Variants in CAPN1 observed in about 807,000 individuals in gnomAD.
The protein encoded by CAPN1 is calpain-1 catalytic subunit.
A neutral mutation model predicts 105.2 loss-of-function variants in CAPN1; 77 were observed. The observed-to-expected ratio is 0.73, with a 90% confidence interval of 0.61 to 0.88. The LOEUF is 0.88. Among genes scored for constraint, CAPN1 ranks in the 40% least tolerant of loss-of-function variants. The pLI, the probability that CAPN1 is intolerant of heterozygous loss-of-function variation, is 0.00. For missense variants in CAPN1, 833 were observed against 976.6 expected (o/e 0.85, Z 1.96); for synonymous variants, 355 against 388.8 (o/e 0.91, Z 1.02).
At chr11:65,198,372 C>T (rs555452720) in intron 10 of CAPN1, among the ~76,000 whole-genome samples, 1 of 152,158 alleles carries the variant, frequency 6.6e-6, no homozygotes, top group South Asian at 2.1e-4. Context: ...GTCTCAAACT[C>T]CTAGCTCAAG....
intron 4 of CAPN1, among the ~76,000 whole-genome samples, chr11:65,185,254 G>C (rs900318602): frequency 1.8e-4 from 27 of 151,878 alleles, no homozygotes; most frequent in Non-Finnish European, 8.8e-5. Flanking sequence ...ATGGGGGCTC[G>C]AACATGGCCA....
At chr11:65,195,296 G>A (rs1161477274) in intron 10 of CAPN1, among the ~76,000 whole-genome samples, 1 of 151,928 alleles carries the variant, frequency 6.6e-6, no homozygotes, top group Non-Finnish European at 1.5e-5. Flanking sequence ...TGTAGTTTTA[G>A]TAGAGACAGG....
chr11:65,183,372 A>T lies in CAPN1; in HGVS notation c.338-102A>T, dbSNP rs2277307. On this transcript the variant is annotated intron_variant, in intron 3 of 21. Coordinates refer to ENST00000279247, the MANE Select transcript of CAPN1 (RefSeq NM_005186.4). ...TCTTTTCTGCAAGCTGAGGGGAGTT[A>T]AGTGGCACCCTGGCCAAGGAACCCC... The T allele has an allele frequency of 0.27, 303,676 of 1,116,918 alleles. 43,566 individuals are homozygous for T. Among genetic ancestry groups the T allele is most frequent in the Admixed American group, 0.39 (20,525 of 53,256 alleles). 69.2% of individuals were successfully genotyped at this position (1,116,918 alleles called of 1,614,324 possible).
chr11:65,197,230 GA>G (rs1948803830), intron 10 of CAPN1, among the ~76,000 whole-genome samples: 3 of 152,228 alleles, frequency 2.0e-5, no homozygotes, highest in African/African-American at 7.2e-5. Flanking sequence ...CTGAAAGAAA[GA>G]AAGAAAGATG....
chr11:65,204,972 C>G, intron 11 of CAPN1, 114 bp downstream of exon 11: 1 of 844,638 alleles, frequency 1.2e-6, no homozygotes, highest in Non-Finnish European at 1.8e-6. Flanking sequence ...TGCCCTTCCC[C>G]ACAAATTCCC....
chr11:65,183,374 G>A, intron 3 of CAPN1, 100 bp from the exon 4 acceptor site: 1 of 1,136,174 alleles, frequency 8.8e-7, no homozygotes, highest in South Asian at 1.3e-5. Flanking sequence ...GGGGAGTTAA[G>A]TGGCACCCTG....
At chr11:65,199,222 C>T (rs1190157545) in intron 10 of CAPN1, among the ~76,000 whole-genome samples, 5 of 152,058 alleles carry the variant, frequency 3.3e-5, no homozygotes, top group Non-Finnish European at 5.9e-5. Context: ...TTATAGTGTG[C>T]TTATTCTTGA....
At chr11:65,189,577 C>G (rs889348161) in intron 10 of CAPN1, among the ~76,000 whole-genome samples, 1 of 152,252 alleles carries the variant, frequency 6.6e-6, no homozygotes, top group South Asian at 2.1e-4. Context: ...CCATCACTTG[C>G]GTACCATCCT....
intron 14 of CAPN1, 117 bp downstream of exon 14, chr11:65,206,936 G>A: frequency 2.1e-6 from 2 of 949,346 alleles, no homozygotes; most frequent in East Asian, 2.6e-5. Context: ...ATCCCCTCCT[G>A]GTGGAAGCCA....
In CAPN1 at chr11:65,209,518, C is replaced by A; in HGVS notation, c.1794+131C>A. The A allele has an allele frequency of 1.3e-6, 1 of 778,552 alleles. No individual in the cohort carries two copies. Among genetic ancestry groups the A allele is most frequent in the Non-Finnish European group, 2.2e-6 (1 of 453,246 alleles). 48.2% of individuals were successfully genotyped at this position (778,552 alleles called of 1,614,324 possible). A position where few individuals can be genotyped will look rare whatever the true frequency, so the allele number is the denominator to read the frequency against. On this transcript the variant is annotated intron_variant, in intron 17 of 21. Coordinates refer to ENST00000279247, the MANE Select transcript of CAPN1 (RefSeq NM_005186.4). This position sits in a 1 kb window ranked among gnomAD's most constrained non-coding sequence, Gnocchi z 4.1. ...GAGTGTGGACACACAGTGCCCCATG[C>A]TCAGATGTCTCCCTGGACGTCTTCC...
At chr11:65,199,396 C>A (rs923029072) in intron 10 of CAPN1, among the ~76,000 whole-genome samples, 2 of 152,066 alleles carry the variant, frequency 1.3e-5, no homozygotes, top group African/African-American at 4.8e-5. Context: ...ATACGATTCA[C>A]CATGATGTGT....
intron 14 of CAPN1, among the ~76,000 whole-genome samples, 156 bp downstream of exon 14, chr11:65,206,975 C>G (rs1297719068): frequency 6.6e-6 from 1 of 152,222 alleles, no homozygotes; most frequent in Non-Finnish European, 1.5e-5. Context: ...CTCATCCGCC[C>G]AGCACTTTAC....
At chr11:65,192,960 G>A (rs1169078745) in intron 10 of CAPN1, among the ~76,000 whole-genome samples, 3 of 150,806 alleles carry the variant, frequency 2.0e-5, no homozygotes, top group Non-Finnish European at 4.4e-5. Flanking sequence ...AAAGTTATTA[G>A]CACAAAGTTA....
chr11:65,200,632 C>T (rs1396043670), intron 10 of CAPN1, among the ~76,000 whole-genome samples: 1 of 152,120 alleles, frequency 6.6e-6, no homozygotes, highest in African/African-American at 2.4e-5. Context: ...TGTGAGCCAC[C>T]GTGCCCGGCC....
intron 4 of CAPN1, 35 bp downstream of exon 4, chr11:65,183,627 A>C (rs368016550): frequency 2.8e-6 from 4 of 1,428,424 alleles, no homozygotes; most frequent in Non-Finnish European, 4.0e-6. Context: ...GGCAGCAGGC[A>C]CTGGGGGAGA....
chr11:65,191,915 T>C (rs1948723954), intron 10 of CAPN1, among the ~76,000 whole-genome samples: 1 of 152,202 alleles, frequency 6.6e-6, no homozygotes, highest in South Asian at 2.1e-4. Context: ...TCTAGGTTTT[T>C]TGTGGATACC....
intron 10 of CAPN1, among the ~76,000 whole-genome samples, chr11:65,189,890 C>T (rs150220996): frequency 0.023 from 3,427 of 152,258 alleles, 87 homozygotes; most frequent in Non-Finnish European, 0.028. Flanking sequence ...CTCTCACCTT[C>T]GGGCCTGGCC....
upstream of CAPN1, chr11:65,181,715 G>C (rs919266985): frequency 7.4e-6 from 2 of 268,962 alleles, no homozygotes; most frequent in Non-Finnish European, 1.5e-5. The surrounding 1 kb of genome is among the most constrained non-coding windows in gnomAD (Gnocchi z 4.6). Flanking sequence ...GGACTGCTCT[G>C]CCTTTTACTA....
chr11:65,200,595 G>A (rs1336585571), intron 10 of CAPN1, among the ~76,000 whole-genome samples: 2 of 151,972 alleles, frequency 1.3e-5, no homozygotes, highest in Admixed American at 6.6e-5. Flanking sequence ...CACCCACCTT[G>A]GTCTCCCAAA....
Sources: allele counts gnomAD v4.1 joint callset (sites outside exome capture counted in the v4.1 genomes callset), GRCh38; gene constraint gnomAD v4.1.1; non-coding constraint Gnocchi (gnomAD v3.1); transcripts MANE v1.5; gene names NCBI Gene and HGNC (gene_info 2026-07-23, HGNC 2026-07-21).